The following IPO11 variants were observed in gnomAD, a reference collection of about 807,000 sequenced individuals.
The protein encoded by IPO11 is importin 11, also known as importin-11.
In IPO11, 66 loss-of-function variants were observed where a neutral mutation model predicts 143.2. That is an observed-to-expected ratio of 0.46 (90% confidence interval 0.38 to 0.57). The LOEUF is 0.57. Among genes scored for constraint, IPO11 ranks in the 20% least tolerant of loss-of-function variants. The pLI is 0.00. For missense variants in IPO11, 1,026 were observed against 1,141.0 expected (o/e 0.90, Z 1.45); for synonymous variants, 385 against 377.8 (o/e 1.02, Z -0.22).
rs560264709 is a variant in IPO11, at chr5:62,568,711, A to G, written c.2582+7454A>G. Among the ~76,000 whole-genome samples the G allele has an allele frequency of 1.6e-4, 25 of 152,250 alleles. No individual in the cohort carries two copies. In the South Asian group the frequency reaches 5.2e-3, roughly 32 times the overall value. Reference sequence around the variant, plus strand: ...TTTTGAATTCTTTGAAAGGTTGCACATCTCCATCTTTTCAGGATAGATCAC... The same window carrying G: ...TTTTGAATTCTTTGAAAGGTTGCACGTCTCCATCTTTTCAGGATAGATCAC... On this transcript the variant is annotated intron_variant, in intron 27 of 29. Transcript: ENST00000325324.
At chr5:62,467,882 C>A (rs1037934955) in intron 6 of IPO11, among the ~76,000 whole-genome samples, 1 of 152,142 alleles carries the variant, frequency 6.6e-6, no homozygotes, top group African/African-American at 2.4e-5. Flanking sequence ...TATTCTCTTA[C>A]TTTTCTAGTC....
chr5:62,448,429 C>G (rs547329625), intron 3 of IPO11, among the ~76,000 whole-genome samples: 1 of 152,326 alleles, frequency 6.6e-6, no homozygotes, highest in East Asian at 1.9e-4. Context: ...CAACTATATT[C>G]AAGACATTTT....
At chr5:62,548,550 C>T (rs550969601) in intron 24 of IPO11, among the ~76,000 whole-genome samples, 1 of 152,250 alleles carries the variant, frequency 6.6e-6, no homozygotes, top group South Asian at 2.1e-4. Flanking sequence ...TCTCTTCGTT[C>T]TCCTGGATTG....
At chr5:62,556,885 A>G (rs1743593571) in intron 26 of IPO11, among the ~76,000 whole-genome samples, 1 of 151,792 alleles carries the variant, frequency 6.6e-6, no homozygotes, top group South Asian at 2.1e-4. Flanking sequence ...CCACCCCCAG[A>G]TTCCTACTGT....
intron 27 of IPO11, chr5:62,580,105 G>A: frequency 6.4e-7 from 1 of 1,550,878 alleles, no homozygotes; most frequent in Non-Finnish European, 8.7e-7. Flanking sequence ...ACCATCAAAT[G>A]CCTTTGAAGT....
intron 24 of IPO11, among the ~76,000 whole-genome samples, chr5:62,539,207 G>A (rs1742841747): frequency 6.6e-6 from 1 of 151,978 alleles, no homozygotes; most frequent in Admixed American, 6.6e-5. Context: ...GTGTTTGCAG[G>A]GCCTTGCTCT....
In IPO11 at chr5:62,436,558, C is replaced by G. The variant is rs1305309393; in HGVS notation, c.-6-716C>G. ...ATACAATTTTGGGGGTGATTAGAAACAGAATCCCGGAGAATTCAACAAAAT... is the reference window on the plus strand; with the variant it reads ...ATACAATTTTGGGGGTGATTAGAAAGAGAATCCCGGAGAATTCAACAAAAT... On this transcript the variant is annotated intron_variant, in intron 1 of 29. Coordinates refer to ENST00000325324, the MANE Select transcript of IPO11 (RefSeq NM_016338.5). Among the ~76,000 whole-genome samples the G allele has an allele frequency of 2.6e-5, 4 of 152,258 alleles. No homozygotes were observed. In the East Asian group the frequency reaches 7.7e-4, roughly 29 times the overall value.
intron 2 of IPO11, among the ~76,000 whole-genome samples, chr5:62,437,685 C>G (rs934627163): frequency 6.6e-6 from 1 of 152,158 alleles, no homozygotes; most frequent in Admixed American, 6.5e-5. Flanking sequence ...TTAAAAGTGT[C>G]TACTATCAGG....
At chr5:62,438,195 G>C (rs576233135) in intron 2 of IPO11, among the ~76,000 whole-genome samples, 3 of 152,232 alleles carry the variant, frequency 2.0e-5, no homozygotes, top group Admixed American at 6.5e-5. Context: ...GATAGCAGTT[G>C]TCATATATAT....
intron 8 of IPO11, among the ~76,000 whole-genome samples, chr5:62,475,332 G>A (rs1479995321): frequency 6.6e-6 from 1 of 152,130 alleles, no homozygotes; most frequent in Non-Finnish European, 1.5e-5. Flanking sequence ...ACCAGCCTGG[G>A]CAACATGACG....
intron 3 of IPO11, among the ~76,000 whole-genome samples, chr5:62,447,233 G>A (rs927063507): frequency 3.3e-4 from 50 of 152,006 alleles, no homozygotes; most frequent in African/African-American, 1.1e-3. Flanking sequence ...AGCCTCCTGA[G>A]TAGCTGTGAC....
chr5:62,559,301 A>G (rs1438552742), intron 26 of IPO11, among the ~76,000 whole-genome samples: 1 of 152,164 alleles, frequency 6.6e-6, no homozygotes, highest in Non-Finnish European at 1.5e-5. Flanking sequence ...AGAAAAGGAA[A>G]AATAAAAGAG....
At chr5:62,591,725 ATGC>A in intron 28 of IPO11, 53 bp downstream of exon 28, 1 of 1,168,270 alleles carries the variant, frequency 8.6e-7, no homozygotes, top group East Asian at 2.5e-5. Context: ...AATTAAATAC[ATGC>A]TGCATGATTT....
chr5:62,508,753 C>A (rs887531690), intron 19 of IPO11, among the ~76,000 whole-genome samples: 5 of 152,092 alleles, frequency 3.3e-5, no homozygotes, highest in African/African-American at 1.2e-4. Flanking sequence ...TCCCCCAGCC[C>A]CGCACCACTC....
Position 62,435,144 on chromosome 5 carries a change from G to GTATATATATGTATATATGTA in IPO11, c.-6-2123_-6-2122insATGTATATATGTATATATAT, listed in dbSNP as rs761497192. 1.4e-3 allele frequency among the ~76,000 whole-genome samples: 90 copies of GTATATATATGTATATATGTA among 64,974 alleles called. 1 individual carries two copies. The highest frequency in any genetic ancestry group is 3.6e-3 in the African/African-American group (62 of 17,238). The allele number at this position is 64,974 out of a possible 152,430, so 42.6% of individuals were successfully genotyped here. On this transcript the variant is annotated intron_variant, in intron 1 of 29. Transcript: ENST00000325324. ...TATATATGTATATATATGTATATAT[G>GTATATATATGTATATATGTA]TATATATGTATATATATGTATATAT...
rs762929862 is a variant in IPO11 at position 62,494,107 on chromosome 5, C to T, written c.1573C>T (p.Gln525Ter). ...TTATGAAGCAATCTGTAACTTGCTT[C>T]AAGATCAAGATTTAGTGGTATGTTT... ...MLYEAICNLL[Q>*]DQDLVVRIET... is the part of the protein sequence containing the mutation. The change falls in exon 16 of 30, where the codon CAA (glutamine) becomes TAA (stop). Residue 525 changes from glutamine to a stop codon, truncating the protein, a stop_gained. Coordinates refer to ENST00000325324, the MANE Select transcript of IPO11 (RefSeq NM_016338.5). LOFTEE classifies it high-confidence loss of function. 6.2e-7 allele frequency: 1 copy of T among 1,610,822 alleles called. No individual in the cohort carries two copies. Among genetic ancestry groups the T allele is most frequent in the South Asian group, 1.1e-5 (1 of 90,176 alleles).
chr5:62,433,512 T>C (rs1203244422), intron 1 of IPO11, among the ~76,000 whole-genome samples: 1 of 152,208 alleles, frequency 6.6e-6, no homozygotes, highest in Non-Finnish European at 1.5e-5. Context: ...TTCCTCTGCC[T>C]CTCACCCCAG....
intron 20 of IPO11, among the ~76,000 whole-genome samples, chr5:62,516,155 G>T (rs1200952771): frequency 6.6e-6 from 1 of 152,136 alleles, no homozygotes; most frequent in Non-Finnish European, 1.5e-5. Flanking sequence ...TTTCCAGTGG[G>T]GAAGAAATCA....
At chr5:62,472,438 T>C (rs1358380593) in intron 7 of IPO11, among the ~76,000 whole-genome samples, 1 of 152,044 alleles carries the variant, frequency 6.6e-6, no homozygotes, top group African/African-American at 2.4e-5. Flanking sequence ...TACTCAGTTA[T>C]AAATGCCTTA....
Sources: allele counts gnomAD v4.1 joint callset (sites outside exome capture counted in the v4.1 genomes callset), GRCh38; gene constraint gnomAD v4.1.1; transcripts MANE v1.5; gene names NCBI Gene and HGNC (gene_info 2026-07-23, HGNC 2026-07-21).